Variants in DLGAP1 observed in about 807,000 individuals in gnomAD.
DLGAP1 encodes the protein DLG associated protein 1.
In DLGAP1, 11 loss-of-function variants were observed where a neutral mutation model predicts 90.8. That is an observed-to-expected ratio of 0.12 (90% CI 0.08 to 0.20). The LOEUF (loss-of-function observed/expected upper bound fraction) is 0.20. DLGAP1 is among the 10% of genes least tolerant of loss of function. DLGAP1 has a pLI of 1.00. For synonymous variants in DLGAP1, 558 were observed against 540.7 expected, an observed-to-expected ratio of 1.03 and a Z score of -0.44; for missense variants, 1,050 against 1,333.8, an observed-to-expected ratio of 0.79 and a Z score of 3.31.
At chr18:4,227,164 G>A (rs2078208988) in intron 1 of DLGAP1, among the ~76,000 whole-genome samples, 1 of 151,876 alleles carries the variant, frequency 6.6e-6, no homozygotes, top group Non-Finnish European at 1.5e-5. Context: ...TATAACAATT[G>A]TAAATATATA....
chr18:3,688,343 G>A (rs906859476), intron 7 of DLGAP1, among the ~76,000 whole-genome samples: 4 of 152,098 alleles, frequency 2.6e-5, no homozygotes, highest in African/African-American at 9.7e-5. Flanking sequence ...ACAAAGATGT[G>A]AGATACAAAG....
At chr18:4,416,301 T>C (rs2082898027) in intron 1 of DLGAP1, among the ~76,000 whole-genome samples, 2 of 152,196 alleles carry the variant, frequency 1.3e-5, no homozygotes, top group African/African-American at 4.8e-5. Flanking sequence ...ATTCCATAGA[T>C]GAGCTTATAC....
chr18:4,188,418 T>G (rs764772779), intron 1 of DLGAP1, among the ~76,000 whole-genome samples: 9 of 152,238 alleles, frequency 5.9e-5, no homozygotes, highest in Non-Finnish European at 5.9e-5. Context: ...CCCGTCATCT[T>G]AAGCCTTGCA....
intron 1 of DLGAP1, among the ~76,000 whole-genome samples, chr18:4,204,971 CATA>C (rs1156787810): frequency 6.6e-6 from 1 of 151,696 alleles, no homozygotes; most frequent in East Asian, 1.9e-4. Context: ...ATCCATCATA[CATA>C]ATAATTTTGA....
At position 4,061,612 on chromosome 18, in the gene DLGAP1, A is replaced by C. The variant is rs369479988; in HGVS notation, c.-158-56411T>G. The stretch of plus-strand genomic sequence containing the variant: ...TAAGGTTTTACTAAGAATTGGGTTT[A>C]ACATCCATGGTGCTTTCATGCAAAG... On this transcript the variant is annotated intron_variant, in intron 2 of 12. Transcript: ENST00000315677. Among the ~76,000 whole-genome samples, 93 of 152,312 alleles carry C rather than the reference A, an allele frequency of 6.1e-4. 2 individuals carry two copies. In the South Asian group the frequency reaches 0.016, roughly 27 times the overall value.
At chr18:3,897,620 A>C (rs905174187) in intron 3 of DLGAP1, among the ~76,000 whole-genome samples, 1 of 152,196 alleles carries the variant, frequency 6.6e-6, no homozygotes, top group Non-Finnish European at 1.5e-5. Flanking sequence ...TTCTGTAAGC[A>C]ATCTTTTATA....
Position 3,625,293 on chromosome 18 carries a change from A to G in DLGAP1, c.1592-43045T>C, listed in dbSNP as rs146916248. Among the ~76,000 whole-genome samples the G allele has an allele frequency of 3.9e-3, 599 of 152,258 alleles. 1 individual carries two copies. The highest frequency in any genetic ancestry group is 0.014 in the African/African-American group (569 of 41,548). On this transcript the variant is annotated intron_variant, in intron 7 of 12. Transcript: ENST00000315677. ...AAGATCTCTGTGCAGTTGCACAGAC[A>G]GTTTCTGTCCTCCCACCCCGTGAGA...
At chr18:3,576,415 T>C (rs535994842) in intron 8 of DLGAP1, among the ~76,000 whole-genome samples, 41 of 151,770 alleles carry the variant, frequency 2.7e-4, no homozygotes, top group Admixed American at 7.2e-4. Flanking sequence ...CCCACCACCA[T>C]GCCCAACTAA....
chr18:3,766,809 A>G (rs962883758), intron 5 of DLGAP1, among the ~76,000 whole-genome samples: 1 of 152,172 alleles, frequency 6.6e-6, no homozygotes, highest in African/African-American at 2.4e-5. Context: ...AAGTTTTGAG[A>G]CACAGCTAAA....
chr18:3,793,886 G>A (rs7230859), intron 5 of DLGAP1, among the ~76,000 whole-genome samples: 20,425 of 151,990 alleles, frequency 0.13, 1,758 homozygotes, highest in East Asian at 0.38. Context: ...CTTCTTAGCC[G>A]TTATCCTAGT....
chr18:3,864,903 T>G (rs1474938946), intron 4 of DLGAP1, among the ~76,000 whole-genome samples: 2 of 151,802 alleles, frequency 1.3e-5, no homozygotes, highest in Non-Finnish European at 2.9e-5. Context: ...TAGAGAAACA[T>G]ATCTTTTCCT....
chr18:3,523,827 G>A (rs1299627194), intron 10 of DLGAP1, among the ~76,000 whole-genome samples: 69 of 142,606 alleles, frequency 4.8e-4, no homozygotes, highest in Admixed American at 2.9e-3. Context: ...CAGCCTGGGC[G>A]ACAGAGCAAG....
At chr18:3,846,257 G>C (rs1031681107) in intron 4 of DLGAP1, among the ~76,000 whole-genome samples, 3 of 152,150 alleles carry the variant, frequency 2.0e-5, no homozygotes, top group South Asian at 2.1e-4. Flanking sequence ...AATTTCAGTA[G>C]AGCAAAGACT....
At chr18:4,081,242 GC>G (rs201018166) in intron 2 of DLGAP1, among the ~76,000 whole-genome samples, 3,166 of 151,512 alleles carry the variant, frequency 0.021, 117 homozygotes, top group African/African-American at 0.072. Context: ...TTGAACCCAG[GC>G]GGCGGAGGTT....
intron 1 of DLGAP1, among the ~76,000 whole-genome samples, chr18:4,354,376 G>A (rs1368753282): frequency 1.3e-5 from 2 of 152,064 alleles, no homozygotes. Flanking sequence ...CCCAAACCCA[G>A]GAAGACGGAA....
chr18:4,140,703 T>C (rs912312292), intron 2 of DLGAP1, among the ~76,000 whole-genome samples: 1 of 152,040 alleles, frequency 6.6e-6, no homozygotes, highest in East Asian at 1.9e-4. Context: ...GTACTCCCTT[T>C]AGCATTTCTT....
intron 2 of DLGAP1, among the ~76,000 whole-genome samples, chr18:4,117,491 C>G (rs749086597): frequency 2.0e-5 from 3 of 152,170 alleles, no homozygotes; most frequent in Non-Finnish European, 2.9e-5. Context: ...CTATTTCCCA[C>G]ACAGTGTGCA....
chr18:3,571,704 T>G (rs1412752046), intron 8 of DLGAP1, among the ~76,000 whole-genome samples: 1 of 151,886 alleles, frequency 6.6e-6, no homozygotes, highest in African/African-American at 2.4e-5. Flanking sequence ...TTTTTGTATT[T>G]TTTAGTAGAG....
chr18:4,273,165 C>T (rs765643138), intron 1 of DLGAP1, among the ~76,000 whole-genome samples: 1 of 152,186 alleles, frequency 6.6e-6, no homozygotes, highest in Non-Finnish European at 1.5e-5. Context: ...GAAACTAATA[C>T]AGCATTGAAA....
Sources: gnomAD v4.1 joint callset for allele counts (sites outside exome capture counted in the v4.1 genomes callset) on GRCh38, gnomAD v4.1.1 for gene constraint, MANE v1.5 for transcripts, NCBI Gene and HGNC (gene_info 2026-07-23, HGNC 2026-07-21) for gene names.